The following TMBIM4 variants were observed in gnomAD, a reference collection of about 807,000 sequenced individuals.
The protein encoded by TMBIM4 is transmembrane BAX inhibitor motif containing 4, also known as protein lifeguard 4.
A neutral mutation model predicts 27.7 loss-of-function variants in TMBIM4; 28 were observed. The ratio of observed to expected loss-of-function variants is 1.01; its 90% CI spans 0.75 to 1.38. TMBIM4 has a LOEUF of 1.38. TMBIM4 is among the 40% of genes most tolerant of loss of function. TMBIM4 has a pLI of 0.00. For missense variants in TMBIM4, 265 were observed against 277.5 expected, an observed-to-expected ratio of 0.95 and a Z score of 0.32; for synonymous variants, 115 against 113.1, an observed-to-expected ratio of 1.02 and a Z score of -0.11.
chr12:66,166,300 C>G (rs1158848270), intron 1 of TMBIM4, among the ~76,000 whole-genome samples: 1 of 151,528 alleles, frequency 6.6e-6, no homozygotes, highest in East Asian at 1.9e-4. Context: ...CCTGTCTCTT[C>G]TAAAAATATA....
At chr12:66,154,427 T>C (rs1289470096) in intron 1 of TMBIM4, among the ~76,000 whole-genome samples, 2 of 152,242 alleles carry the variant, frequency 1.3e-5, no homozygotes, top group Admixed American at 6.5e-5. Context: ...GTGGATGGCA[T>C]TGCATAAACA....
chr12:66,150,927 TATC>T (rs538484191), intron 3 of TMBIM4, among the ~76,000 whole-genome samples: 2 of 152,208 alleles, frequency 1.3e-5, no homozygotes, highest in Non-Finnish European at 2.9e-5. Flanking sequence ...TTTCCTATGA[TATC>T]ATCATTTCTG....
At chr12:66,148,650 T>G (rs1394969465) in intron 3 of TMBIM4, among the ~76,000 whole-genome samples, 1 of 152,200 alleles carries the variant, frequency 6.6e-6, no homozygotes, top group Non-Finnish European at 1.5e-5. Context: ...CATATACCAC[T>G]CTAGGAATGC....
rs397947155 is a variant in TMBIM4, at chr12:66,158,227, C to CAAA, written c.98-4782_98-4780dup. 4.7e-3 allele frequency among the ~76,000 whole-genome samples: 526 copies of CAAA among 112,312 alleles called. 12 individuals are homozygous for CAAA. The highest frequency in any genetic ancestry group is 0.015 in the Middle Eastern group (3 of 200). 73.7% of individuals were successfully genotyped at this position (112,312 alleles called of 152,430 possible). A position where few individuals can be genotyped will look rare whatever the true frequency, so the allele number is the denominator to read the frequency against. ...GGCGACAGAGTGAGACTCCGTCTCA[C>CAAA]AAAAAAAAAAAAAACAAAAAAATGA... is the stretch of plus-strand genomic sequence containing the variant. On this transcript the variant is annotated intron_variant, in intron 1 of 6. Coordinates refer to ENST00000358230, the MANE Select transcript of TMBIM4 (RefSeq NM_016056.4).
chr12:66,155,361 G>GAGAGAGAGAGAGAGAGAGAGAGAGAGC (rs1353460191), intron 1 of TMBIM4, among the ~76,000 whole-genome samples: 1 of 78,024 alleles, frequency 1.3e-5, no homozygotes, highest in Admixed American at 1.1e-4. Flanking sequence ...AGAGAGAGAG[G>GAGAGAGAGAGAGAGAGAGAGAGAGAGC]CAGGGTCTCA....
At chr12:66,138,955 A>G in intron 5 of TMBIM4, 186 bp from the exon 6 acceptor site, 1 of 805,646 alleles carries the variant, frequency 1.2e-6, no homozygotes. Flanking sequence ...AAAGAAATTG[A>G]AAGAACAGCT....
chr12:66,146,568 G>A (rs2051755577), intron 4 of TMBIM4, among the ~76,000 whole-genome samples: 1 of 151,936 alleles, frequency 6.6e-6, no homozygotes, highest in African/African-American at 2.4e-5. Flanking sequence ...CATTATTTTG[G>A]GGTTTACTGA....
chr12:66,157,015 C>A (rs2051947499), intron 1 of TMBIM4, among the ~76,000 whole-genome samples: 1 of 152,148 alleles, frequency 6.6e-6, no homozygotes, highest in African/African-American at 2.4e-5. Flanking sequence ...CATTATTCCC[C>A]GCCTAAGTAG....
At position 66,169,300 on chromosome 12, in the gene TMBIM4, T is replaced by A. The variant is rs190123529; in HGVS notation, c.97+555A>T. ...ACAATTTAGACTGACTTAGGAAGCT[T>A]CTGTGTTGAGCAACTTCCTCAATAA... On this transcript the variant is annotated intron_variant, in intron 1 of 6. Coordinates refer to ENST00000358230, the MANE Select transcript of TMBIM4 (RefSeq NM_016056.4). The A allele has an allele frequency of 1.6e-5, 11 of 697,126 alleles. No homozygotes were observed. In the African/African-American group the frequency reaches 1.9e-4, roughly 12 times the overall value. 43.2% of individuals were successfully genotyped at this position (697,126 alleles called of 1,614,324 possible). A position where few individuals can be genotyped will look rare whatever the true frequency, so the allele number is the denominator to read the frequency against.
chr12:66,149,715 A>C (rs1288967677), intron 3 of TMBIM4, among the ~76,000 whole-genome samples: 3 of 152,214 alleles, frequency 2.0e-5, no homozygotes, highest in Non-Finnish European at 2.9e-5. Flanking sequence ...AAATATCGTA[A>C]GTAAAAAATG....
chr12:66,143,001 G>A (rs775114963), intron 5 of TMBIM4, among the ~76,000 whole-genome samples: 2 of 152,130 alleles, frequency 1.3e-5, no homozygotes, highest in South Asian at 2.1e-4. Flanking sequence ...TAAGCAGCAT[G>A]CCCCACCCAG....
At chr12:66,146,244 C>T (rs10506479) in intron 4 of TMBIM4, among the ~76,000 whole-genome samples, 11,683 of 152,194 alleles carry the variant, frequency 0.077, 1,034 homozygotes, top group East Asian at 0.51. Context: ...GTTTGGAGTT[C>T]TACAGGTATG....
At chr12:66,158,854 T>C (rs1188575314) in intron 1 of TMBIM4, among the ~76,000 whole-genome samples, 1 of 152,186 alleles carries the variant, frequency 6.6e-6, no homozygotes, top group Non-Finnish European at 1.5e-5. Context: ...CACCACTGGA[T>C]GTTGACTATG....
intron 1 of TMBIM4, among the ~76,000 whole-genome samples, chr12:66,168,195 T>A (rs112516124): frequency 0.028 from 4,137 of 149,590 alleles, 66 homozygotes; most frequent in Middle Eastern, 0.048. Flanking sequence ...CACTCCAGCC[T>A]CGGTGGCAAA....
chr12:66,169,443 A>T, intron 1 of TMBIM4: 2 of 518,114 alleles, frequency 3.9e-6, no homozygotes, highest in Non-Finnish European at 6.8e-6. Flanking sequence ...CACAGAACAA[A>T]AACATCAGGC....
chr12:66,147,211 T>TA (rs1279722310), intron 4 of TMBIM4, among the ~76,000 whole-genome samples: 1 of 152,050 alleles, frequency 6.6e-6, no homozygotes, highest in South Asian at 2.1e-4. Context: ...ATAGAAAGGT[T>TA]AAAAAAACTA....
intron 1 of TMBIM4, among the ~76,000 whole-genome samples, chr12:66,158,118 C>T (rs11176065): frequency 0.29 from 44,286 of 150,304 alleles, 6,972 homozygotes; most frequent in South Asian, 0.41. Flanking sequence ...CCCAGCTACT[C>T]GGGAGGCTGA....
intron 3 of TMBIM4, among the ~76,000 whole-genome samples, chr12:66,150,076 T>A (rs1017918128): frequency 6.6e-6 from 1 of 152,254 alleles, no homozygotes; most frequent in African/African-American, 2.4e-5. Context: ...TCAGTGATTA[T>A]CTTGCCTATA....
At chr12:66,149,259 A>G (rs1000147157) in intron 3 of TMBIM4, among the ~76,000 whole-genome samples, 20 of 151,910 alleles carry the variant, frequency 1.3e-4, no homozygotes, top group African/African-American at 4.8e-4. Context: ...TGGGTGACAC[A>G]GCAAAACCCC....
Sources: gnomAD v4.1 joint callset for allele counts (sites outside exome capture counted in the v4.1 genomes callset) on GRCh38, gnomAD v4.1.1 for gene constraint, MANE v1.5 for transcripts, NCBI Gene and HGNC (gene_info 2026-07-23, HGNC 2026-07-21) for gene names.